Variants in LHFPL5 observed in about 807,000 individuals in gnomAD.
LHFPL5 encodes the protein LHFPL tetraspan subfamily member 5 protein.
LHFPL5 carries 12 observed loss-of-function variants against 18.7 expected under a neutral mutation model. That is an observed-to-expected ratio of 0.64 (90% CI 0.41 to 1.04). The LOEUF (loss-of-function observed/expected upper bound fraction) is 1.04, where lower values mean the gene tolerates loss of function less well. LHFPL5 is among the 50% of genes least tolerant of loss of function. LHFPL5 has a pLI of 0.00. For missense variants in LHFPL5, 259 were observed against 292.1 expected (o/e 0.89, Z 0.83); for synonymous variants, 111 against 120.2 (o/e 0.92, Z 0.50).
At chr6:35,815,779 C>T (rs917003198) in intron 2 of LHFPL5, among the ~76,000 whole-genome samples, 5 of 152,216 alleles carry the variant, frequency 3.3e-5, no homozygotes, top group African/African-American at 1.2e-4. Flanking sequence ...CAGGTCCTCT[C>T]TGGCCAAGCC....
Position 35,823,814 on chromosome 6 carries a change from A to T in LHFPL5, c.*849A>T, listed in dbSNP as rs1361082013. Reference sequence around the variant, plus strand: ...CCAGAACTGGCTACCAGCTTCAGAAATGTGTTACTTATGTTCAAGTAATTT... The same window carrying T: ...CCAGAACTGGCTACCAGCTTCAGAATTGTGTTACTTATGTTCAAGTAATTT... On this transcript the variant is annotated 3_prime_UTR_variant, in exon 4 of 4. Coordinates refer to ENST00000360215, the MANE Select transcript of LHFPL5 (RefSeq NM_182548.4). The T allele has an allele frequency of 1.3e-5, 2 of 152,076 alleles. No homozygotes were observed. The highest frequency in any genetic ancestry group is 4.8e-5 in the African/African-American group (2 of 41,398). The allele number at this position is 152,076 out of a possible 1,614,324, so 9.4% of individuals were successfully genotyped here.
Position 35,814,665 on chromosome 6 carries a change from G to C in LHFPL5, c.532G>C (p.Ala178Pro). Reference sequence around the variant, plus strand: ...GCTGGGCCACTGCACCATCCGCTGGGCCTTCATGCTGGCCATCCTCAGCAT... The same window carrying C: ...GCTGGGCCACTGCACCATCCGCTGGCCCTTCATGCTGGCCATCCTCAGCAT... ...YTLGHCTIRW[A>P]FMLAILSIGD... Residue 178 changes from alanine (A) to proline (P), a missense_variant, in exon 2 of 4, where the codon GCC becomes CCC. Physicochemically the swap from Ala to Pro is conservative, Grantham distance 27. Coordinates refer to ENST00000360215, the MANE Select transcript of LHFPL5 (RefSeq NM_182548.4). The surrounding 1 kb of genome is among the most constrained non-coding windows in gnomAD (Gnocchi z 4.2). 1 of 1,614,164 alleles carries C rather than the reference G, an allele frequency of 6.2e-7. No individual in the cohort carries two copies. Among genetic ancestry groups the C allele is most frequent in the Non-Finnish European group, 8.5e-7 (1 of 1,180,030 alleles).
At chr6:35,808,024 T>C (rs1208681510) in intron 1 of LHFPL5, among the ~76,000 whole-genome samples, 4 of 152,154 alleles carry the variant, frequency 2.6e-5, no homozygotes, top group African/African-American at 4.8e-5. Flanking sequence ...GCACCCAGGC[T>C]ACTCACATGG....
chr6:35,812,320 G>A (rs1285471208), intron 1 of LHFPL5, among the ~76,000 whole-genome samples: 1 of 152,162 alleles, frequency 6.6e-6, no homozygotes, highest in Non-Finnish European at 1.5e-5. Flanking sequence ...GTGCTTTTCT[G>A]AGGGTCTCCT....
In LHFPL5 at chr6:35,814,746, A is replaced by G. The variant is rs902811010; in HGVS notation, c.613A>G (p.Lys205Glu). The G allele has an allele frequency of 6.2e-7, 1 of 1,613,974 alleles. No individual in the cohort carries two copies. ...LAFVLGYRQD[K>E]LLPDDYKADG... Reference sequence around the variant, plus strand: ...CTTCGTGTTGGGCTACCGGCAGGACAAGCTCCTCCCTGACGACTACAAGGC... The same window carrying G: ...CTTCGTGTTGGGCTACCGGCAGGACGAGCTCCTCCCTGACGACTACAAGGC... Residue 205 changes from lysine (K) to glutamate (E), a missense_variant, in exon 2 of 4, where the codon AAG (lysine) becomes GAG (glutamate). Lys to Glu is a moderately conservative substitution (Grantham distance 56, BLOSUM62 1). Coordinates refer to ENST00000360215, the MANE Select transcript of LHFPL5 (RefSeq NM_182548.4). This position sits in a 1 kb window ranked among gnomAD's most constrained non-coding sequence, Gnocchi z 4.2.
At chr6:35,806,166 T>A (rs562855518) in intron 1 of LHFPL5, 84 bp downstream of exon 1, 130 of 1,477,292 alleles carry the variant, frequency 8.8e-5, no homozygotes, top group Non-Finnish European at 1.2e-4. Flanking sequence ...CTGCCAGGGC[T>A]CTGGGCCTTA....
intron 1 of LHFPL5, among the ~76,000 whole-genome samples, chr6:35,810,250 C>T (rs1768641321): frequency 6.6e-6 from 1 of 152,186 alleles, no homozygotes. Flanking sequence ...CTAACACCAT[C>T]ACACTGGAGG....
rs561743302 is a variant in LHFPL5, at chr6:35,815,210, C to T, written c.649+428C>T. On this transcript the variant is annotated intron_variant, in intron 2 of 3. Coordinates refer to ENST00000360215, the MANE Select transcript of LHFPL5 (RefSeq NM_182548.4). ...CAGGCCAATGAGGGTGCAGAAGTGA[C>T]AGCTCCTGCAGTGCAGCTGGTGGGA... Among the ~76,000 whole-genome samples the T allele has an allele frequency of 3.3e-5, 5 of 152,236 alleles. No homozygotes were observed. The South Asian group carries it at 1.0e-3, about 32-fold the overall frequency.
intron 1 of LHFPL5, among the ~76,000 whole-genome samples, chr6:35,809,613 C>T (rs745871168): frequency 1.3e-5 from 2 of 152,182 alleles, no homozygotes; most frequent in Non-Finnish European, 2.9e-5. Context: ...AAGTGATCCT[C>T]CCTCCTCAGC....
At chr6:35,813,167 C>T (rs1768696714) in intron 1 of LHFPL5, among the ~76,000 whole-genome samples, 1 of 151,462 alleles carries the variant, frequency 6.6e-6, no homozygotes, top group African/African-American at 2.4e-5. Context: ...GCTTTTCCTA[C>T]TGAGAAAATC....
At chr6:35,820,790 AAC>A (rs1768850849) in intron 3 of LHFPL5, among the ~76,000 whole-genome samples, 2 of 152,292 alleles carry the variant, frequency 1.3e-5, no homozygotes, top group South Asian at 2.1e-4. Flanking sequence ...TTGCCTCCCT[AAC>A]AGCTGCCTGG....
chr6:35,814,346 G>T lies in LHFPL5; in HGVS notation c.413-200G>T, dbSNP rs1343575519. On this transcript the variant is annotated intron_variant, in intron 1 of 3. Coordinates refer to ENST00000360215, the MANE Select transcript of LHFPL5 (RefSeq NM_182548.4). The surrounding 1 kb of genome is among the most constrained non-coding windows in gnomAD (Gnocchi z 4.2). ...CCGCCCCAACTACTGGGTCTCGGGG[G>T]CCAGTTGCTTTAACTCTCAGAGCCT... 6.6e-6 allele frequency among the ~76,000 whole-genome samples: 1 copy of T among 152,196 alleles called. No individual in the cohort carries two copies. Among genetic ancestry groups the T allele is most frequent in the Non-Finnish European group, 1.5e-5 (1 of 68,034 alleles).
intron 3 of LHFPL5, among the ~76,000 whole-genome samples, chr6:35,821,338 T>G (rs183551949): frequency 6.7e-6 from 1 of 150,354 alleles, no homozygotes; most frequent in African/African-American, 2.5e-5. Context: ...TCTGATTCAG[T>G]TGGTGGGGTG....
intron 2 of LHFPL5, among the ~76,000 whole-genome samples, chr6:35,816,810 T>C (rs925372984): frequency 1.2e-5 from 1 of 83,286 alleles, no homozygotes; most frequent in Non-Finnish European, 2.4e-5. Context: ...AGACTCCATC[T>C]AAAAAAAAAA....
At chr6:35,806,354 G>A (rs1457776335) in intron 1 of LHFPL5, among the ~76,000 whole-genome samples, 3 of 152,188 alleles carry the variant, frequency 2.0e-5, no homozygotes, top group African/African-American at 4.8e-5. Flanking sequence ...AACCTCATCT[G>A]TAAGGGGAAG....
intron 1 of LHFPL5, among the ~76,000 whole-genome samples, chr6:35,811,087 C>T (rs1768658505): frequency 6.6e-6 from 1 of 152,134 alleles, no homozygotes; most frequent in African/African-American, 2.4e-5. Flanking sequence ...TCTGGGAGGT[C>T]TCCCACTGCA....
chr6:35,821,570 C>T (rs1397253844), intron 3 of LHFPL5, among the ~76,000 whole-genome samples: 1 of 151,518 alleles, frequency 6.6e-6, no homozygotes, highest in African/African-American at 2.4e-5. Flanking sequence ...CAACCTCCGC[C>T]TCCTGGGTTC....
intron 2 of LHFPL5, among the ~76,000 whole-genome samples, chr6:35,817,308 G>A (rs529775274): frequency 5.3e-5 from 8 of 151,536 alleles, no homozygotes; most frequent in African/African-American, 1.5e-4. Flanking sequence ...GCAACAGAGC[G>A]AGACTCAATC....
chr6:35,815,390 T>C (rs1339730024), intron 2 of LHFPL5, among the ~76,000 whole-genome samples: 1 of 152,148 alleles, frequency 6.6e-6, no homozygotes, highest in Non-Finnish European at 1.5e-5. Flanking sequence ...CCTCCCTGAT[T>C]GCTTCCCATT....
Sources: allele counts gnomAD v4.1 joint callset (sites outside exome capture counted in the v4.1 genomes callset), GRCh38; gene constraint gnomAD v4.1.1; non-coding constraint Gnocchi (gnomAD v3.1); transcripts MANE v1.5; gene names NCBI Gene and HGNC (gene_info 2026-07-23, HGNC 2026-07-21).